Variants in VPS33A observed in about 807,000 individuals in gnomAD.
The protein encoded by VPS33A is VPS33A core subunit of CORVET and HOPS complexes, also known as vacuolar protein sorting-associated protein 33A.
A neutral mutation model predicts 71.8 loss-of-function variants in VPS33A; 32 were observed. That is an observed-to-expected ratio of 0.45 (90% CI 0.34 to 0.60). The LOEUF is 0.60. Among genes scored for constraint, VPS33A ranks in the 20% least tolerant of loss-of-function variants. The pLI is 0.02. For missense variants in VPS33A, 625 were observed against 748.5 expected, an observed-to-expected ratio of 0.84 and a Z score of 1.92; for synonymous variants, 311 against 292.7, an observed-to-expected ratio of 1.06 and a Z score of -0.64.
intron 3 of VPS33A, among the ~76,000 whole-genome samples, chr12:122,262,572 T>C (rs1955010270): frequency 1.3e-5 from 2 of 150,510 alleles, no homozygotes; most frequent in African/African-American, 2.5e-5. Flanking sequence ...ACTTCCTCTA[T>C]AGACTGGATG....
intron 2 of VPS33A, 86 bp downstream of exon 2, chr12:122,264,048 G>T: frequency 8.3e-7 from 1 of 1,211,694 alleles, no homozygotes; most frequent in South Asian, 1.7e-5. Flanking sequence ...GCAAACCAAT[G>T]ATTCAGGAAG....
At chr12:122,235,082 G>A (rs1473104770) in intron 11 of VPS33A, among the ~76,000 whole-genome samples, 3 of 151,890 alleles carry the variant, frequency 2.0e-5, no homozygotes, top group Non-Finnish European at 4.4e-5. Flanking sequence ...TGGGCTCAGT[G>A]ATCCTCTAAC....
intron 11 of VPS33A, among the ~76,000 whole-genome samples, chr12:122,235,401 A>T (rs1459174411): frequency 6.6e-6 from 1 of 151,638 alleles, no homozygotes; most frequent in Non-Finnish European, 1.5e-5. Context: ...AGTAGATGGG[A>T]TTACAGGCAC....
chr12:122,246,203 A>G (rs1463028432), intron 6 of VPS33A, among the ~76,000 whole-genome samples: 1 of 152,208 alleles, frequency 6.6e-6, no homozygotes, highest in East Asian at 1.9e-4. Context: ...TATGAAAAAA[A>G]TCTTATGTAG....
intron 1 of VPS33A, 43 bp from the exon 2 acceptor site, chr12:122,264,242 G>A (rs1194894782): frequency 7.0e-7 from 1 of 1,420,972 alleles, no homozygotes; most frequent in Non-Finnish European, 9.5e-7. Flanking sequence ...GTTAATATCA[G>A]GAATTTTAAC....
At chr12:122,263,799 A>G (rs1955031432) in intron 2 of VPS33A, 100 bp from the exon 3 acceptor site, 2 of 1,343,542 alleles carry the variant, frequency 1.5e-6, no homozygotes, top group Non-Finnish European at 2.0e-6. Context: ...GTGCACATTA[A>G]TATTTTAATA....
rs1341071166 is a variant in VPS33A, at chr12:122,249,860, C to T, written c.775+11G>A. 4.4e-6 allele frequency: 7 copies of T among 1,608,276 alleles called. No individual in the cohort carries two copies. Among genetic ancestry groups the T allele is most frequent in the Non-Finnish European group, 5.9e-6 (7 of 1,177,580 alleles). ...ATTACCTATTAGTGAAAACAGATGT[C>T]ATGTACTTACTGTTCTGAATGCCAT... On this transcript the variant is annotated intron_variant, in intron 6 of 12. Coordinates refer to ENST00000267199, the MANE Select transcript of VPS33A (RefSeq NM_022916.6).
At chr12:122,256,134 T>C (rs774417670) in intron 4 of VPS33A, among the ~76,000 whole-genome samples, 27 of 152,246 alleles carry the variant, frequency 1.8e-4, no homozygotes, top group Middle Eastern at 3.4e-3. Flanking sequence ...TTTCCCCCTT[T>C]TGTGAAAACT....
Position 122,244,732 on chromosome 12 carries a change from G to A in VPS33A, c.806C>T (p.Ala269Val), listed in dbSNP as rs1954755879. ...SYVKLPPEKF[A>V]PKKQGDGGKD... The stretch of plus-strand genomic sequence containing the variant: ...ACCACCATCGCCCTGTTTCTTAGGT[G>A]CAAATTTCTCTGGAGGTAATTTCAC... The change falls in exon 7 of 13, where the codon GCA becomes GTA. Residue 269 changes from alanine to valine, a missense_variant. Physicochemically the swap from Ala to Val is moderately conservative, Grantham distance 64 (BLOSUM62 0). Coordinates refer to ENST00000267199, the MANE Select transcript of VPS33A (RefSeq NM_022916.6). 1.2e-6 allele frequency: 2 copies of A among 1,613,556 alleles called. No individual in the cohort carries two copies. Among genetic ancestry groups the A allele is most frequent in the African/African-American group, 2.7e-5 (2 of 74,900 alleles).
chr12:122,259,688 A>G (rs1428366581), intron 4 of VPS33A, among the ~76,000 whole-genome samples: 3 of 152,128 alleles, frequency 2.0e-5, no homozygotes, highest in African/African-American at 7.2e-5. Flanking sequence ...ATAAGAAGGA[A>G]TGAAGGCCTC....
chr12:122,233,548 A>G (rs1335545399), intron 11 of VPS33A, among the ~76,000 whole-genome samples: 2 of 152,310 alleles, frequency 1.3e-5, no homozygotes, highest in South Asian at 2.1e-4. Flanking sequence ...ATTGGGGGGA[A>G]CTTGGCACTC....
chr12:122,232,645 G>C (rs144942371), intron 12 of VPS33A, among the ~76,000 whole-genome samples, 155 bp downstream of exon 12: 1 of 152,072 alleles, frequency 6.6e-6, no homozygotes, highest in Non-Finnish European at 1.5e-5. Context: ...GGAATAATCC[G>C]ATTCGAGTTC....
Position 122,242,415 on chromosome 12 carries a change from T to A in VPS33A, c.1063A>T (p.Thr355Ser). ...TCTTTGATCAATTCTGCAATTGAGGTATGGTTTGCAAGCGAGCCCCTTGCT... is the reference window on the plus strand; with the variant it reads ...TCTTTGATCAATTCTGCAATTGAGGAATGGTTTGCAAGCGAGCCCCTTGCT... Reference protein sequence around the residue: ...QAARGSLANHTSIAELIKDVT... With the variant: ...QAARGSLANHSSIAELIKDVT... Residue 355 changes from threonine to serine, a missense_variant, in exon 8 of 13, where the codon ACC becomes TCC. Thr to Ser is a moderately conservative substitution (Grantham distance 58, BLOSUM62 1). Coordinates refer to ENST00000267199, the MANE Select transcript of VPS33A (RefSeq NM_022916.6). 6.2e-7 allele frequency: 1 copy of A among 1,614,108 alleles called. No individual in the cohort carries two copies. The highest frequency in any genetic ancestry group is 8.5e-7 in the Non-Finnish European group (1 of 1,179,988).
intron 2 of VPS33A, 27 bp downstream of exon 2, chr12:122,264,107 C>A: frequency 1.3e-6 from 2 of 1,502,402 alleles, no homozygotes; most frequent in Non-Finnish European, 9.0e-7. Flanking sequence ...TATTAATCCC[C>A]TAACAAAACC....
chr12:122,239,995 CT>C, intron 8 of VPS33A, 50 bp from the exon 9 acceptor site: 1 of 1,370,710 alleles, frequency 7.3e-7, no homozygotes, highest in Non-Finnish European at 1.0e-6. Context: ...TGTTAATTTA[CT>C]TGAGTGGCAT....
intron 8 of VPS33A, chr12:122,241,166 T>C (rs1954709343): frequency 6.6e-6 from 1 of 151,574 alleles, no homozygotes; most frequent in Non-Finnish European, 1.5e-5. Context: ...AAAGCTAGAC[T>C]AAAAAAATTA....
intron 4 of VPS33A, among the ~76,000 whole-genome samples, chr12:122,256,108 T>C (rs935003838): frequency 1.3e-5 from 2 of 152,172 alleles, no homozygotes; most frequent in Non-Finnish European, 2.9e-5. Flanking sequence ...TTTTATTTTT[T>C]TAAATAAGTT....
chr12:122,258,080 C>T (rs1954942952), intron 4 of VPS33A, among the ~76,000 whole-genome samples: 1 of 151,996 alleles, frequency 6.6e-6, no homozygotes, highest in Non-Finnish European at 1.5e-5. Flanking sequence ...GGGTTGAAGA[C>T]CTAAACATAA....
At chr12:122,236,476 C>T (rs1232307045) in intron 10 of VPS33A, among the ~76,000 whole-genome samples, 1 of 151,992 alleles carries the variant, frequency 6.6e-6, no homozygotes, top group Non-Finnish European at 1.5e-5. Context: ...CCTGTCTCTA[C>T]TAAAAATTAA....
Sources: gnomAD v4.1 joint callset for allele counts (sites outside exome capture counted in the v4.1 genomes callset) on GRCh38, gnomAD v4.1.1 for gene constraint, MANE v1.5 for transcripts, NCBI Gene and HGNC (gene_info 2026-07-23, HGNC 2026-07-21) for gene names.